Variants in HMGCLL1 observed in about 807,000 individuals in gnomAD.
HMGCLL1 encodes 3-hydroxymethyl-3-methylglutaryl-CoA lyase, cytoplasmic.
In HMGCLL1, 36 loss-of-function variants were observed where a neutral mutation model predicts 39.1. The observed-to-expected ratio is 0.92, with a 90% CI of 0.71 to 1.22. The LOEUF (loss-of-function observed/expected upper bound fraction) is 1.22, where lower values mean the gene tolerates loss of function less well. Among genes scored for constraint, HMGCLL1 ranks in the 50% most tolerant of loss-of-function variants. HMGCLL1 has a pLI of 0.00. For missense variants in HMGCLL1, 451 were observed against 416.5 expected (o/e 1.08, Z -0.72); for synonymous variants, 149 against 144.0 (o/e 1.03, Z -0.25).
the HMGCLL1 span, among the ~76,000 whole-genome samples, chr6:55,587,675 C>A: frequency 1.3e-5 from 2 of 152,030 alleles, no homozygotes; most frequent in Non-Finnish European, 2.9e-5. Flanking sequence ...CGTGCAGAGA[C>A]ACACATAGGC....
the HMGCLL1 span, among the ~76,000 whole-genome samples, chr6:55,643,144 T>C: frequency 6.6e-6 from 1 of 152,126 alleles, no homozygotes; most frequent in Admixed American, 6.6e-5. Flanking sequence ...TATATTTTGT[T>C]AGGTATATAC....
chr6:55,620,260 G>A, the HMGCLL1 span, among the ~76,000 whole-genome samples: 1 of 151,918 alleles, frequency 6.6e-6, no homozygotes, highest in Admixed American at 6.6e-5. Context: ...GTTTTTTGAG[G>A]AACCTCCATA....
intron 7 of HMGCLL1, among the ~76,000 whole-genome samples, chr6:55,464,944 A>G (rs1764735507): frequency 1.3e-5 from 2 of 152,196 alleles, no homozygotes; most frequent in South Asian, 2.1e-4. Context: ...ATCAACTTTC[A>G]CGAACAAGAC....
chr6:55,524,452 T>C (rs1340930546), intron 3 of HMGCLL1, among the ~76,000 whole-genome samples: 2 of 127,558 alleles, frequency 1.6e-5, no homozygotes, highest in Non-Finnish European at 1.6e-5. Flanking sequence ...GTATTTGGCA[T>C]TTATAGTCTT....
chr6:55,440,736 T>C (rs1763560427), intron 7 of HMGCLL1, among the ~76,000 whole-genome samples: 1 of 152,144 alleles, frequency 6.6e-6, no homozygotes, highest in Non-Finnish European at 1.5e-5. Flanking sequence ...CACAGGTTAC[T>C]GCTACATTCC....
the HMGCLL1 span, among the ~76,000 whole-genome samples, chr6:55,620,250 GT>G: frequency 6.6e-6 from 1 of 152,134 alleles, no homozygotes; most frequent in East Asian, 1.9e-4. Context: ...TCTACTTTTA[GT>G]TTTTTGAGGA....
At chr6:55,659,109 G>C in the HMGCLL1 span, among the ~76,000 whole-genome samples, 5,060 of 152,006 alleles carry the variant, frequency 0.033, 132 homozygotes, top group Non-Finnish European at 0.054. Flanking sequence ...ATATTTATGA[G>C]AAATACCATA....
chr6:55,527,028 C>A (rs975346167), intron 3 of HMGCLL1, among the ~76,000 whole-genome samples: 1 of 151,962 alleles, frequency 6.6e-6, no homozygotes, highest in Non-Finnish European at 1.5e-5. Flanking sequence ...GGGCAGGGAC[C>A]CAAGTCTATC....
chr6:55,474,824 T>C (rs1031209642), intron 7 of HMGCLL1, among the ~76,000 whole-genome samples: 5 of 151,652 alleles, frequency 3.3e-5, no homozygotes, highest in African/African-American at 4.8e-5. Flanking sequence ...CAGCTGTAAC[T>C]GCCAGAGGCT....
chr6:55,467,448 C>T (rs1251497856), intron 7 of HMGCLL1, among the ~76,000 whole-genome samples: 1 of 151,918 alleles, frequency 6.6e-6, no homozygotes, highest in African/African-American at 2.4e-5. Flanking sequence ...ATATCCAATC[C>T]CAACTAGAAC....
At chr6:55,475,441 A>G (rs1765242939) in intron 7 of HMGCLL1, among the ~76,000 whole-genome samples, 1 of 151,398 alleles carries the variant, frequency 6.6e-6, no homozygotes, top group African/African-American at 2.4e-5. Context: ...GAAGATCTCA[A>G]ATCTGCAGCT....
intron 1 of HMGCLL1, among the ~76,000 whole-genome samples, chr6:55,554,205 A>G (rs1251328840): frequency 6.6e-6 from 1 of 152,238 alleles, no homozygotes; most frequent in Non-Finnish European, 1.5e-5. Context: ...TAAATACATT[A>G]ATAATTCTGA....
chr6:55,496,486 G>A (rs1766583960), intron 6 of HMGCLL1, among the ~76,000 whole-genome samples: 1 of 152,082 alleles, frequency 6.6e-6, no homozygotes, highest in South Asian at 2.1e-4. Context: ...ATTCCAGTGA[G>A]CTCCAGTGAG....
At chr6:55,525,626 G>C (rs1017758689) in intron 3 of HMGCLL1, among the ~76,000 whole-genome samples, 13 of 151,918 alleles carry the variant, frequency 8.6e-5, no homozygotes, top group African/African-American at 2.9e-4. Context: ...AGTGTGCTTA[G>C]AGCTGTGCTT....
the HMGCLL1 span, among the ~76,000 whole-genome samples, chr6:55,623,013 G>C: frequency 6.6e-6 from 1 of 151,882 alleles, no homozygotes; most frequent in East Asian, 1.9e-4. Context: ...CTAGGAATTT[G>C]TATACTTCTT....
intron 5 of HMGCLL1, among the ~76,000 whole-genome samples, chr6:55,506,505 T>G (rs1767170593): frequency 6.6e-6 from 1 of 151,642 alleles, no homozygotes; most frequent in African/African-American, 2.4e-5. Context: ...GGTCTGAAAA[T>G]ATGAAATGGA....
the HMGCLL1 span, among the ~76,000 whole-genome samples, chr6:55,609,089 G>A: frequency 2.0e-5 from 3 of 152,272 alleles, no homozygotes; most frequent in Non-Finnish European, 4.4e-5. Context: ...GTGAGCCCAC[G>A]CCACCGGGGC....
At chr6:55,610,790 GCCTATTCA>G in the HMGCLL1 span, among the ~76,000 whole-genome samples, 1 of 152,062 alleles carries the variant, frequency 6.6e-6, no homozygotes, top group East Asian at 1.9e-4. Flanking sequence ...AAAGAGAAAG[GCCTATTCA>G]CCTACAAAGG....
chr6:55,677,871 T>C, the HMGCLL1 span, among the ~76,000 whole-genome samples: 1 of 152,246 alleles, frequency 6.6e-6, no homozygotes, highest in Non-Finnish European at 1.5e-5. Context: ...ATGGAAGACA[T>C]TGTATTTTAT....
Sources: gnomAD v4.1 joint callset for allele counts (sites outside exome capture counted in the v4.1 genomes callset) on GRCh38, gnomAD v4.1.1 for gene constraint, MANE v1.5 for transcripts, NCBI Gene and HGNC (gene_info 2026-07-23, HGNC 2026-07-21) for gene names.